Variants in ABCA13 observed in about 807,000 individuals in gnomAD.
ABCA13 encodes the protein ATP-binding cassette sub-family A member 13.
ABCA13 carries 476 observed loss-of-function variants against 478.7 expected under a neutral mutation model. That is an observed-to-expected ratio of 0.99 (90% CI 0.92 to 1.07). The LOEUF (loss-of-function observed/expected upper bound fraction) is 1.07. Ranked by LOEUF, ABCA13 falls within the 50% of genes least tolerant of loss-of-function variation. The pLI, the probability that ABCA13 is intolerant of heterozygous loss-of-function variation, is 0.00. For missense variants in ABCA13, 6,060 were observed against 5,910.6 expected (o/e 1.03, Z -0.83); for synonymous variants, 2,252 against 2,158.9 (o/e 1.04, Z -1.20).
At chr7:48,400,307 T>C (rs187593561) in intron 38 of ABCA13, among the ~76,000 whole-genome samples, 2 of 152,348 alleles carry the variant, frequency 1.3e-5, no homozygotes, top group East Asian at 3.9e-4. Context: ...CCAGGCATTG[T>C]AGGGGTTCAG....
In ABCA13 at chr7:48,367,973, C is replaced by T. The variant is rs1280431052; in HGVS notation, c.10803+65C>T. 4 of 1,306,396 alleles carry T rather than the reference C, an allele frequency of 3.1e-6. No homozygotes were observed. In the Admixed American group the frequency reaches 6.5e-5, roughly 21 times the overall value. 80.9% of individuals were successfully genotyped at this position (1,306,396 alleles called of 1,614,324 possible). On this transcript the variant is annotated intron_variant, in intron 32 of 61. Transcript: ENST00000435803. The stretch of plus-strand genomic sequence containing the variant: ...GAGGCTGGGGACTTTGGAAATGGAT[C>T]TTGTCCCATAACCAACCTGAGCCTC...
intron 31 of ABCA13, among the ~76,000 whole-genome samples, chr7:48,359,192 C>T (rs1418073018): frequency 6.6e-6 from 1 of 151,896 alleles, no homozygotes. Flanking sequence ...CAACGCCAGG[C>T]ACTGTGAATG....
At chr7:48,288,193 T>C (rs1798029837) in intron 20 of ABCA13, 115 bp downstream of exon 20, 2 of 943,698 alleles carry the variant, frequency 2.1e-6, no homozygotes, top group Non-Finnish European at 3.3e-6. Flanking sequence ...AATGGTGTCA[T>C]ACACAGTCTT....
intron 54 of ABCA13, among the ~76,000 whole-genome samples, chr7:48,526,602 C>T (rs79661017): frequency 0.032 from 4,868 of 152,202 alleles, 118 homozygotes; most frequent in Non-Finnish European, 0.048. Context: ...GTATAGCCTA[C>T]GACACACCTA....
chr7:48,411,045 TTC>T (rs1491045808), intron 40 of ABCA13, among the ~76,000 whole-genome samples: 6 of 99,252 alleles, frequency 6.0e-5, no homozygotes, highest in Non-Finnish European at 8.9e-5. Context: ...CTTTCTTTCT[TTC>T]TTTTTCTTTC....
intron 1 of ABCA13, among the ~76,000 whole-genome samples, chr7:48,172,681 C>A: frequency 6.6e-6 from 1 of 150,472 alleles, no homozygotes; most frequent in African/African-American, 2.4e-5. Context: ...GTCTGTAGTC[C>A]CAGCTACGCG....
At chr7:48,426,544 A>T (rs1821448574) in intron 41 of ABCA13, among the ~76,000 whole-genome samples, 3 of 152,230 alleles carry the variant, frequency 2.0e-5, no homozygotes, top group Admixed American at 1.3e-4. Context: ...ATGCAGGTAT[A>T]GGACTTCACT....
chr7:48,203,287 C>T (rs10240647), intron 3 of ABCA13, among the ~76,000 whole-genome samples: 1 of 152,082 alleles, frequency 6.6e-6, no homozygotes, highest in Non-Finnish European at 1.5e-5. Flanking sequence ...GGTTCCCGCT[C>T]GCGCCTCTCC....
intron 31 of ABCA13, among the ~76,000 whole-genome samples, chr7:48,360,330 T>C (rs1180245827): frequency 2.0e-5 from 3 of 151,862 alleles, no homozygotes; most frequent in African/African-American, 4.9e-5. Flanking sequence ...AGAATGATGG[T>C]TTCCAGCTTC....
At position 48,275,026 on chromosome 7, in the gene ABCA13, C is replaced by A. The variant is rs571881603; in HGVS notation, c.5360C>A (p.Thr1787Asn). Residue 1787 changes from threonine to asparagine, a missense_variant, in exon 17 of 62, where the codon ACC becomes AAC. Coordinates refer to ENST00000435803, the MANE Select transcript of ABCA13 (RefSeq NM_152701.5). ...CATGGCATAACCATTTCAAATATCACCAAGGAAGACTTCGCAATTGTGATA... is the reference window on the plus strand; with the variant it reads ...CATGGCATAACCATTTCAAATATCAACAAGGAAGACTTCGCAATTGTGATA... ...LLHGITISNI[T>N]KEDFAIVIKI... 1 of 1,613,842 alleles carries A rather than the reference C, an allele frequency of 6.2e-7. No homozygotes were observed. The highest frequency in any genetic ancestry group is 1.3e-5 in the African/African-American group (1 of 75,012).
chr7:48,337,333 A>G (rs73697139), intron 28 of ABCA13, among the ~76,000 whole-genome samples: 8 of 152,362 alleles, frequency 5.3e-5, no homozygotes, highest in African/African-American at 1.9e-4. Context: ...GACATGATGC[A>G]TAATAACTAC....
intron 6 of ABCA13, among the ~76,000 whole-genome samples, chr7:48,228,713 T>A (rs1437018193): frequency 6.6e-6 from 1 of 152,214 alleles, no homozygotes; most frequent in African/African-American, 2.4e-5. Flanking sequence ...GTTATGAAGA[T>A]CTATTTGTCA....
chr7:48,331,781 C>T (rs1325985947), intron 27 of ABCA13, among the ~76,000 whole-genome samples: 2 of 152,092 alleles, frequency 1.3e-5, no homozygotes, highest in East Asian at 1.9e-4. Flanking sequence ...TAGTTTTATG[C>T]AGGCTTAGCA....
intron 3 of ABCA13, among the ~76,000 whole-genome samples, chr7:48,204,024 A>G (rs977321116): frequency 6.6e-6 from 1 of 150,874 alleles, no homozygotes; most frequent in Non-Finnish European, 1.5e-5. Flanking sequence ...TCCAACCACC[A>G]TACTGCCTGG....
intron 59 of ABCA13, among the ~76,000 whole-genome samples, chr7:48,616,742 C>T (rs969369808): frequency 3.3e-5 from 5 of 152,104 alleles, no homozygotes; most frequent in Admixed American, 1.3e-4. Context: ...AATTTGTGGC[C>T]GGGTATGGTG....
intron 3 of ABCA13, among the ~76,000 whole-genome samples, chr7:48,214,201 AAAC>A (rs1408649791): frequency 6.6e-6 from 1 of 152,200 alleles, no homozygotes; most frequent in Non-Finnish European, 1.5e-5. Flanking sequence ...GATATTTTGA[AAAC>A]AACATTTTTT....
chr7:48,410,657 C>T lies in ABCA13; in HGVS notation c.12208C>T (p.Arg4070Cys), dbSNP rs73694618. Reference protein sequence around the residue: ...CLKEAYGQGLRLTLTRQPSVL... With the variant: ...CLKEAYGQGLCLTLTRQPSVL... ...GAAGGAGGCATATGGCCAGGGGCTC[C>T]GCCTGACACTCACGAGGCAGGTAAG... Residue 4070 changes from arginine (R) to cysteine (C), a missense_variant, in exon 40 of 62, where the codon CGC (arginine) becomes TGC (cysteine). Physicochemically the swap from Arg to Cys is radical, Grantham distance 180. Around this residue, in one of 3 missense-constraint regions of ABCA13, gnomAD observed 1,627 missense variants for 1,571.0 expected, o/e 1.04. Coordinates refer to ENST00000435803, the MANE Select transcript of ABCA13 (RefSeq NM_152701.5). 5,185 of 1,613,596 alleles carry T rather than the reference C, an allele frequency of 3.2e-3. 115 individuals carry two copies. The African/African-American group carries it at 0.057, about 18-fold the overall frequency.
chr7:48,465,769 C>T (rs974586521), intron 43 of ABCA13, among the ~76,000 whole-genome samples: 3 of 151,906 alleles, frequency 2.0e-5, no homozygotes, highest in African/African-American at 7.3e-5. Flanking sequence ...GCTGTGCTAT[C>T]GAACACTAGT....
intron 10 of ABCA13, among the ~76,000 whole-genome samples, chr7:48,242,163 G>A (rs184091832): frequency 6.6e-6 from 1 of 152,032 alleles, no homozygotes; most frequent in Non-Finnish European, 1.5e-5. Flanking sequence ...TTAAGTCACC[G>A]TAATTATCCT....
Sources: gnomAD v4.1 joint callset for allele counts (sites outside exome capture counted in the v4.1 genomes callset) on GRCh38, gnomAD v4.1.1 for gene constraint, gnomAD v4.1.1 regional missense constraint, MANE v1.5 for transcripts, NCBI Gene and HGNC (gene_info 2026-07-23, HGNC 2026-07-21) for gene names.